TMEM178B: variants seen among roughly 807,000 people sequenced by gnomAD.
The protein encoded by TMEM178B is transmembrane protein 178B.
A neutral mutation model predicts 31.0 loss-of-function variants in TMEM178B; 5 were observed. The ratio of observed to expected loss-of-function variants is 0.16; its 90% confidence interval spans 0.08 to 0.34. TMEM178B has a LOEUF of 0.34. Among genes scored for constraint, TMEM178B ranks in the 10% least tolerant of loss-of-function variants. The pLI is 1.00. For missense variants in TMEM178B, 275 were observed against 400.3 expected (o/e 0.69, Z 2.67); for synonymous variants, 164 against 164.0 (o/e 1.00, Z 0.00).
chr7:141,307,393 T>C (rs1050184394), intron 2 of TMEM178B, among the ~76,000 whole-genome samples: 8 of 152,232 alleles, frequency 5.3e-5, no homozygotes, highest in African/African-American at 1.9e-4. Flanking sequence ...TGTGGCCAGG[T>C]ACCCTAGGGG....
chr7:141,360,837 A>C (rs555689466), intron 2 of TMEM178B, among the ~76,000 whole-genome samples: 2 of 152,200 alleles, frequency 1.3e-5, no homozygotes, highest in Non-Finnish European at 2.9e-5. Context: ...TGTACTGATA[A>C]GTAAGAATCA....
At chr7:141,106,463 G>A (rs2129174512) in intron 1 of TMEM178B, among the ~76,000 whole-genome samples, 1 of 152,252 alleles carries the variant, frequency 6.6e-6, no homozygotes, top group Admixed American at 6.5e-5. Flanking sequence ...GTTTTGGTGG[G>A]CCACACCCAC....
chr7:141,402,847 G>C (rs1255414023), intron 2 of TMEM178B, among the ~76,000 whole-genome samples: 1 of 152,256 alleles, frequency 6.6e-6, no homozygotes, highest in African/African-American at 2.4e-5. Context: ...CTCTGGCTTA[G>C]TAGCAGAGGG....
At chr7:141,500,587 T>C in the TMEM178B span, among the ~76,000 whole-genome samples, 1 of 152,238 alleles carries the variant, frequency 6.6e-6, no homozygotes, top group African/African-American at 2.4e-5. Context: ...TAGAATTCTA[T>C]GGCCGTGTAG....
intron 2 of TMEM178B, among the ~76,000 whole-genome samples, chr7:141,213,549 T>C (rs143538623): frequency 1.3e-5 from 2 of 152,368 alleles, no homozygotes; most frequent in Non-Finnish European, 2.9e-5. Flanking sequence ...AGGTTAAGAT[T>C]CTGTTTTCAT....
At chr7:141,146,593 C>T (rs1795856731) in intron 1 of TMEM178B, among the ~76,000 whole-genome samples, 1 of 152,196 alleles carries the variant, frequency 6.6e-6, no homozygotes. Context: ...AAGCACAACA[C>T]TTAGTGTCTG....
chr7:141,306,251 T>G (rs1798813987), intron 2 of TMEM178B, among the ~76,000 whole-genome samples: 1 of 152,168 alleles, frequency 6.6e-6, no homozygotes, highest in African/African-American at 2.4e-5. Flanking sequence ...GGCAAAATCC[T>G]CTTTCACCTG....
At chr7:141,122,102 A>G (rs1230508117) in intron 1 of TMEM178B, among the ~76,000 whole-genome samples, 1 of 152,232 alleles carries the variant, frequency 6.6e-6, no homozygotes, top group Non-Finnish European at 1.5e-5. Flanking sequence ...TTAGAAATAA[A>G]TGAAAATGGC....
At chr7:141,248,318 C>T (rs971703405) in intron 2 of TMEM178B, among the ~76,000 whole-genome samples, 5 of 152,024 alleles carry the variant, frequency 3.3e-5, no homozygotes, top group Admixed American at 1.3e-4. Context: ...GGGTGAGGCA[C>T]GAGAATCGCT....
intron 2 of TMEM178B, among the ~76,000 whole-genome samples, chr7:141,216,541 A>G (rs1270603270): frequency 7.1e-6 from 1 of 141,750 alleles, no homozygotes; most frequent in Admixed American, 7.0e-5. Context: ...GTCCAGGTGA[A>G]CTGGTGTGTG....
intron 3 of TMEM178B, among the ~76,000 whole-genome samples, chr7:141,443,199 C>T (rs999621014): frequency 6.6e-6 from 1 of 152,182 alleles, no homozygotes; most frequent in Non-Finnish European, 1.5e-5. Context: ...GTATCCTCTG[C>T]CACTGTATCC....
intron 2 of TMEM178B, among the ~76,000 whole-genome samples, chr7:141,361,417 T>G (rs567461048): frequency 2.0e-5 from 3 of 152,206 alleles, no homozygotes; most frequent in Admixed American, 6.5e-5. Flanking sequence ...CCAAGCACAG[T>G]TGGGGGAGAG....
chr7:141,083,844 G>T (rs1235346014), intron 1 of TMEM178B, among the ~76,000 whole-genome samples: 1 of 151,544 alleles, frequency 6.6e-6, no homozygotes, highest in Non-Finnish European at 1.5e-5. Flanking sequence ...TTAGTGTGTG[G>T]AATACTTCGT....
chr7:141,278,037 G>A (rs1298578406), intron 2 of TMEM178B, among the ~76,000 whole-genome samples: 5 of 152,156 alleles, frequency 3.3e-5, no homozygotes, highest in Non-Finnish European at 7.3e-5. Context: ...ATACAACAGG[G>A]CTAAATGTTA....
intron 1 of TMEM178B, among the ~76,000 whole-genome samples, chr7:141,199,102 C>T (rs2129186013): frequency 6.6e-6 from 1 of 152,310 alleles, no homozygotes; most frequent in South Asian, 2.1e-4. Context: ...ACGGAGACAG[C>T]TCATTCTTTA....
intron 2 of TMEM178B, among the ~76,000 whole-genome samples, chr7:141,323,728 C>T (rs1167050659): frequency 6.6e-6 from 1 of 152,064 alleles, no homozygotes; most frequent in Non-Finnish European, 1.5e-5. Context: ...AGACAAAAAT[C>T]CCTGCCCTTA....
intron 1 of TMEM178B, among the ~76,000 whole-genome samples, chr7:141,085,689 A>C (rs1314835930): frequency 1.3e-5 from 2 of 151,660 alleles, no homozygotes; most frequent in African/African-American, 2.4e-5. Context: ...CTATTTAGGC[A>C]ATGCAGCTCC....
At chr7:141,467,252 T>C (rs980002843) in intron 3 of TMEM178B, among the ~76,000 whole-genome samples, 1 of 152,136 alleles carries the variant, frequency 6.6e-6, no homozygotes, top group Non-Finnish European at 1.5e-5. Context: ...TGAGCCCTAG[T>C]GCACAACATG....
chr7:141,245,738 C>T (rs944253514), intron 2 of TMEM178B, among the ~76,000 whole-genome samples: 3 of 152,130 alleles, frequency 2.0e-5, no homozygotes, highest in African/African-American at 4.8e-5. Context: ...GATTTTTCAG[C>T]GGAAATAGAG....
Sources: allele counts gnomAD v4.1 joint callset (sites outside exome capture counted in the v4.1 genomes callset), GRCh38; gene constraint gnomAD v4.1.1; transcripts MANE v1.5; gene names NCBI Gene and HGNC (gene_info 2026-07-23, HGNC 2026-07-21).